CACNA2D1: variants seen among roughly 807,000 people sequenced by gnomAD.
The protein encoded by CACNA2D1 is calcium voltage-gated channel auxiliary subunit alpha2delta 1, also known as voltage-dependent calcium channel subunit alpha-2/delta-1.
Under a neutral mutation model 171.5 loss-of-function variants are expected in CACNA2D1, and 53 were observed. That is an observed-to-expected ratio of 0.31 (90% CI 0.25 to 0.39). The LOEUF (loss-of-function observed/expected upper bound fraction) is 0.39, where lower values mean the gene tolerates loss of function less well. CACNA2D1 is among the 10% of genes least tolerant of loss of function. CACNA2D1 has a pLI of 1.00. For missense variants in CACNA2D1, 903 were observed against 1,299.8 expected (o/e 0.69, Z 4.69); for synonymous variants, 442 against 443.1 (o/e 1.00, Z 0.03).
intron 12 of CACNA2D1, among the ~76,000 whole-genome samples, chr7:82,016,547 C>CCA (rs1213334355): frequency 6.6e-5 from 10 of 151,110 alleles, no homozygotes; most frequent in Non-Finnish European, 1.5e-4. Context: ...ACACTCAGAT[C>CCA]CACACATATG....
chr7:82,278,393 A>C (rs1372936768), intron 3 of CACNA2D1, among the ~76,000 whole-genome samples: 2 of 152,002 alleles, frequency 1.3e-5, no homozygotes, highest in African/African-American at 4.8e-5. Context: ...AGCCTGGCCA[A>C]CATGGCAAAA....
In CACNA2D1 at chr7:82,443,418, GA is replaced by G; in HGVS notation, c.41del (p.Phe14SerfsTer66). 2 of 1,607,300 alleles carry G rather than the reference GA, an allele frequency of 1.2e-6. No homozygotes were observed. The stretch of plus-strand genomic sequence containing the variant: ...ACGAGGGGCCGATGAGCAAAGATTG[GA>G]AAAGTGTCAGAGTCAAGGCCAGCAG... The part of the protein sequence containing the change: ...GCLLALTLTL[F>X]QSLLIGPSSE... On this transcript the variant is annotated frameshift_variant, in exon 1 of 39. Coordinates refer to ENST00000356860, the MANE Select transcript of CACNA2D1 (RefSeq NM_000722.4). LOFTEE classifies it high-confidence loss of function.
At chr7:82,202,965 T>C (rs1799620894) in intron 3 of CACNA2D1, among the ~76,000 whole-genome samples, 1 of 152,078 alleles carries the variant, frequency 6.6e-6, no homozygotes, top group South Asian at 2.1e-4. Context: ...TACTCTTAAC[T>C]TTGTGGAGAC....
At chr7:82,264,132 C>T (rs904223338) in intron 3 of CACNA2D1, among the ~76,000 whole-genome samples, 1 of 152,134 alleles carries the variant, frequency 6.6e-6, no homozygotes, top group Non-Finnish European at 1.5e-5. Context: ...TGCTTCTCAA[C>T]ACATCATGCT....
At chr7:81,959,644 A>C (rs1793863008) in intron 37 of CACNA2D1, 76 bp downstream of exon 37, 2 of 1,432,250 alleles carry the variant, frequency 1.4e-6, no homozygotes, top group Non-Finnish European at 1.9e-6. Context: ...CTCTTTATGA[A>C]TATAAACAAT....
At chr7:82,218,969 G>T (rs889510150) in intron 3 of CACNA2D1, among the ~76,000 whole-genome samples, 3 of 151,998 alleles carry the variant, frequency 2.0e-5, no homozygotes, top group Non-Finnish European at 4.4e-5. Flanking sequence ...TGCCTAAATG[G>T]TCTTCATGGG....
At chr7:82,146,320 G>C (rs935180852) in intron 4 of CACNA2D1, among the ~76,000 whole-genome samples, 9 of 146,928 alleles carry the variant, frequency 6.1e-5, no homozygotes, top group Non-Finnish European at 1.3e-4. Flanking sequence ...ACGTGTGTGT[G>C]TGTGTGCGTG....
intron 1 of CACNA2D1, among the ~76,000 whole-genome samples, chr7:82,358,055 T>G (rs1195331550): frequency 6.6e-6 from 1 of 152,140 alleles, no homozygotes; most frequent in Admixed American, 6.6e-5. Flanking sequence ...GGGGAAAAAT[T>G]TAAATATCAA....
chr7:82,423,104 T>G (rs1828866645), intron 1 of CACNA2D1, among the ~76,000 whole-genome samples: 1 of 152,096 alleles, frequency 6.6e-6, no homozygotes, highest in Non-Finnish European at 1.5e-5. Context: ...ACAGGGAGAA[T>G]TATTTATACT....
intron 2 of CACNA2D1, chr7:82,343,295 T>C (rs1405679550): frequency 1.3e-5 from 2 of 152,210 alleles, no homozygotes; most frequent in Non-Finnish European, 2.9e-5. Context: ...GTGAGCGTTC[T>C]GCAGCACACA....
intron 1 of CACNA2D1, among the ~76,000 whole-genome samples, chr7:82,425,743 G>A (rs759446879): frequency 3.3e-5 from 5 of 150,936 alleles, no homozygotes; most frequent in Admixed American, 6.6e-5. Flanking sequence ...TCATCCTCCC[G>A]CCTCAGCCTC....
At chr7:82,405,349 G>T (rs746364934) in intron 1 of CACNA2D1, among the ~76,000 whole-genome samples, 3 of 152,110 alleles carry the variant, frequency 2.0e-5, no homozygotes, top group Admixed American at 1.3e-4. Context: ...TAAAATTAAG[G>T]TTTAAAAATG....
chr7:82,050,807 C>T (rs1021484180), intron 10 of CACNA2D1: 2 of 560,064 alleles, frequency 3.6e-6, no homozygotes, highest in Non-Finnish European at 6.4e-6. Flanking sequence ...TGTGACATTT[C>T]ACTTGGTACT....
intron 30 of CACNA2D1, 97 bp from the exon 31 acceptor site, chr7:81,967,304 C>T: frequency 9.6e-7 from 1 of 1,038,048 alleles, no homozygotes; most frequent in South Asian, 1.4e-5. Flanking sequence ...AATAATTTAT[C>T]CAGTAGAAAA....
intron 3 of CACNA2D1, among the ~76,000 whole-genome samples, chr7:82,226,662 T>A (rs1325770862): frequency 6.6e-6 from 1 of 152,110 alleles, no homozygotes; most frequent in Non-Finnish European, 1.5e-5. Flanking sequence ...GATCCATAGA[T>A]GAAAAAGCAA....
chr7:82,066,420 A>AT, intron 8 of CACNA2D1, 35 bp downstream of exon 8: 1 of 1,609,328 alleles, frequency 6.2e-7, no homozygotes, highest in East Asian at 2.2e-5. Context: ...CTTCTTGCCT[A>AT]TTTTATCTTT....
At chr7:82,001,015 C>A (rs1209460210) in intron 18 of CACNA2D1, among the ~76,000 whole-genome samples, 3 of 151,812 alleles carry the variant, frequency 2.0e-5, no homozygotes, top group Admixed American at 6.6e-5. Context: ...TTCTGAAATT[C>A]TCTTGCTAAG....
At chr7:82,234,261 G>C (rs1480508763) in intron 3 of CACNA2D1, among the ~76,000 whole-genome samples, 1 of 151,974 alleles carries the variant, frequency 6.6e-6, no homozygotes, top group Non-Finnish European at 1.5e-5. Flanking sequence ...ACTATCAAAA[G>C]CACATACATA....
intron 6 of CACNA2D1, among the ~76,000 whole-genome samples, chr7:82,103,153 C>T (rs567827916): frequency 6.6e-6 from 1 of 151,948 alleles, no homozygotes; most frequent in Non-Finnish European, 1.5e-5. Context: ...ACTAAAAATA[C>T]AAAAATTAGC....
Sources: allele counts gnomAD v4.1 joint callset (sites outside exome capture counted in the v4.1 genomes callset), GRCh38; gene constraint gnomAD v4.1.1; transcripts MANE v1.5; gene names NCBI Gene and HGNC (gene_info 2026-07-23, HGNC 2026-07-21).